The following PTPRD variants were observed in gnomAD, a reference collection of about 807,000 sequenced individuals.
The protein encoded by PTPRD is receptor-type tyrosine-protein phosphatase delta.
A neutral mutation model predicts 214.5 loss-of-function variants in PTPRD; 34 were observed. That is an observed-to-expected ratio of 0.16 (90% confidence interval 0.12 to 0.21). The LOEUF is 0.21. Among genes scored for constraint, PTPRD ranks in the 10% least tolerant of loss-of-function variants. The pLI is 1.00. For synonymous variants in PTPRD, 1,128 were observed against 845.7 expected (o/e 1.33, Z -5.79); for missense variants, 2,545 against 2,398.7 (o/e 1.06, Z -1.27).
intron 11 of PTPRD, among the ~76,000 whole-genome samples, chr9:8,884,330 A>T (rs2098469453): frequency 6.6e-6 from 1 of 152,242 alleles, no homozygotes; most frequent in African/African-American, 2.4e-5. Flanking sequence ...GTTGCTGTTT[A>T]GTCTAACTTC....
At chr9:10,516,251 A>G (rs951226841) in intron 2 of PTPRD, among the ~76,000 whole-genome samples, 1 of 151,754 alleles carries the variant, frequency 6.6e-6, no homozygotes, top group Admixed American at 6.6e-5. Context: ...TTTTTTAAAA[A>G]AAATAATAGT....
At chr9:10,430,278 A>G (rs2098665347) in intron 2 of PTPRD, among the ~76,000 whole-genome samples, 1 of 151,942 alleles carries the variant, frequency 6.6e-6, no homozygotes, top group African/African-American at 2.4e-5. Context: ...TGATCCTTTT[A>G]TCTCAAAATT....
At position 9,950,750 on chromosome 9, in the gene PTPRD, A is replaced by AAAG. The variant is rs1566653884; in HGVS notation, c.-471-12141_-471-12140insCTT. 1.4e-3 allele frequency among the ~76,000 whole-genome samples: 47 copies of AAAG among 33,524 alleles called. 15 individuals are homozygous for AAAG. The African/African-American group carries it at 0.039, about 28-fold the overall frequency. The allele number at this position is 33,524 out of a possible 152,430, so 22.0% of individuals were successfully genotyped here. On this transcript the variant is annotated intron_variant, in intron 4 of 45. Coordinates refer to ENST00000381196, the MANE Select transcript of PTPRD (RefSeq NM_002839.4). ...AAAAAAAAAAAAAAAAAAAAAAAAAAAAAAAAAAAAGAAGAAAGTGGAAGA... is the reference window on the plus strand; with the variant it reads ...AAAAAAAAAAAAAAAAAAAAAAAAAAAAGAAAAAAAAAAGAAGAAAGTGGAAGA...
At chr9:10,482,100 G>A (rs554491765) in intron 2 of PTPRD, among the ~76,000 whole-genome samples, 17 of 152,244 alleles carry the variant, frequency 1.1e-4, no homozygotes, top group Admixed American at 2.0e-4. Context: ...GGCCGGGCGC[G>A]GTGGCTCACG....
At chr9:9,776,538 A>G (rs1008974062) in intron 5 of PTPRD, among the ~76,000 whole-genome samples, 2 of 152,210 alleles carry the variant, frequency 1.3e-5, no homozygotes, top group East Asian at 1.9e-4. Flanking sequence ...GGATATGTGA[A>G]AAAATAAACA....
chr9:9,043,490 G>A (rs2099651763), intron 10 of PTPRD, among the ~76,000 whole-genome samples: 1 of 152,136 alleles, frequency 6.6e-6, no homozygotes, highest in African/African-American at 2.4e-5. Context: ...TCTGCTAAGG[G>A]AAAGACGCCA....
chr9:10,182,570 A>T (rs1032880095), intron 3 of PTPRD, among the ~76,000 whole-genome samples: 36 of 152,150 alleles, frequency 2.4e-4, no homozygotes, highest in Middle Eastern at 3.2e-3. Context: ...TAATATTATT[A>T]ATACAAAAAT....
intron 5 of PTPRD, among the ~76,000 whole-genome samples, chr9:9,778,033 G>C (rs2098812319): frequency 6.6e-6 from 1 of 152,160 alleles, no homozygotes; most frequent in Admixed American, 6.5e-5. Context: ...TGATAGAGAG[G>C]GGAGACAAGA....
At chr9:9,432,049 TAA>T (rs2083386640) in intron 8 of PTPRD, among the ~76,000 whole-genome samples, 2 of 22,876 alleles carry the variant, frequency 8.7e-5, no homozygotes, top group Admixed American at 3.8e-4. Flanking sequence ...ACTTAAAGTA[TAA>T]TAATAATAAT....
chr9:9,526,265 A>T (rs1158346208), intron 8 of PTPRD, among the ~76,000 whole-genome samples: 1 of 152,140 alleles, frequency 6.6e-6, no homozygotes, highest in African/African-American at 2.4e-5. Flanking sequence ...TGAGCTTTTC[A>T]AACTATTAAT....
chr9:8,352,285 G>T (rs561189335), intron 39 of PTPRD, among the ~76,000 whole-genome samples: 1 of 152,246 alleles, frequency 6.6e-6, no homozygotes, highest in Admixed American at 6.5e-5. Context: ...CAGATGGATA[G>T]AACAGGCCAT....
chr9:8,936,427 C>CAAAAAAAAAAAAAAAAAAAAAAAA (rs1181403459), intron 11 of PTPRD, among the ~76,000 whole-genome samples: 4 of 31,646 alleles, frequency 1.3e-4, no homozygotes, highest in Non-Finnish European at 1.6e-4. Context: ...ACCCTGCCTC[C>CAAAAAAAAAAAAAAAAAAAAAAAA]AAAAAAAAAA....
chr9:9,703,076 TAAG>T (rs2097533637), intron 7 of PTPRD, among the ~76,000 whole-genome samples: 1 of 152,144 alleles, frequency 6.6e-6, no homozygotes, highest in Non-Finnish European at 1.5e-5. Flanking sequence ...GAAGAACTGA[TAAG>T]AGGTGATTGG....
intron 4 of PTPRD, among the ~76,000 whole-genome samples, chr9:10,006,582 G>T (rs2096481876): frequency 6.6e-6 from 1 of 151,916 alleles, no homozygotes; most frequent in Admixed American, 6.6e-5. Context: ...AATATAATCA[G>T]AGTATAATTA....
At chr9:9,701,411 T>C (rs1334721280) in intron 7 of PTPRD, among the ~76,000 whole-genome samples, 2 of 152,154 alleles carry the variant, frequency 1.3e-5, no homozygotes, top group Admixed American at 6.5e-5. Flanking sequence ...GGGGTCCAGA[T>C]AGAAACATAG....
At chr9:8,933,457 G>C (rs2098968501) in intron 11 of PTPRD, among the ~76,000 whole-genome samples, 1 of 149,196 alleles carries the variant, frequency 6.7e-6, no homozygotes, top group South Asian at 2.1e-4. Context: ...TAAAGGGATT[G>C]GCTGTAGCTT....
At chr9:8,465,784 T>C in intron 31 of PTPRD, 109 bp from the exon 32 acceptor site, 1 of 858,106 alleles carries the variant, frequency 1.2e-6, no homozygotes, top group Non-Finnish European at 1.8e-6. Context: ...CAAATGCAAT[T>C]TGTTCACATT....
At chr9:9,150,771 C>T (rs751387366) in intron 10 of PTPRD, among the ~76,000 whole-genome samples, 2 of 152,040 alleles carry the variant, frequency 1.3e-5, no homozygotes, top group Non-Finnish European at 2.9e-5. Flanking sequence ...AACAACCGGC[C>T]TGAAACTATA....
chr9:9,060,507 C>G (rs1328809426), intron 10 of PTPRD, among the ~76,000 whole-genome samples: 2 of 151,696 alleles, frequency 1.3e-5, no homozygotes, highest in African/African-American at 4.8e-5. Context: ...TAAAATGATA[C>G]TAATTATGTT....
Sources: allele counts gnomAD v4.1 joint callset (sites outside exome capture counted in the v4.1 genomes callset), GRCh38; gene constraint gnomAD v4.1.1; transcripts MANE v1.5; gene names NCBI Gene and HGNC (gene_info 2026-07-23, HGNC 2026-07-21).